The following ITGB1BP2 variants were observed in gnomAD, a reference collection of about 807,000 sequenced individuals.
ITGB1BP2 encodes the protein integrin subunit beta 1 binding protein 2.
ITGB1BP2 carries 27 observed loss-of-function variants against 32.2 expected under a neutral mutation model. The observed-to-expected ratio is 0.84, with a 90% CI of 0.62 to 1.16. The LOEUF (loss-of-function observed/expected upper bound fraction) is 1.16, where lower values mean the gene tolerates loss of function less well. Ranked by LOEUF, ITGB1BP2 falls within the 50% of genes most tolerant of loss-of-function variation. ITGB1BP2 has a pLI of 0.00. For synonymous variants in ITGB1BP2, 105 were observed against 94.7 expected (o/e 1.11, Z -0.63); for missense variants, 250 against 267.3 (o/e 0.94, Z 0.45).
At position 71,304,280 on chromosome X, in the gene ITGB1BP2, G is replaced by A; in HGVS notation, c.733G>A (p.Val245Met). 8.4e-7 allele frequency: 1 copy of A among 1,192,400 alleles called. No homozygotes were observed. The highest frequency in any genetic ancestry group is 1.1e-6 in the Non-Finnish European group (1 of 877,883). Residue 245 changes from valine (V) to methionine (M), a missense_variant, in exon 9 of 11, where the codon GTG becomes ATG. Physicochemically the swap from Val to Met is conservative, Grantham distance 21. Transcript: ENST00000373829. ...GATTCCACTTCCTGCGTTTAACTGG[G>A]TGAAGGCCAGTCAAACTGAGGTGAG... is the stretch of plus-strand genomic sequence containing the variant. ...GQIPLPAFNW[V>M]KASQTELHVH... is the part of the protein sequence containing the mutation.
chrX:71,302,567 G>T lies in ITGB1BP2; in HGVS notation c.317+11G>T, dbSNP rs116057938. 782 of 1,192,016 alleles carry T rather than the reference G, an allele frequency of 6.6e-4. No homozygotes were observed. In the African/African-American group the frequency reaches 0.012, roughly 19 times the overall value. On this transcript the variant is annotated intron_variant, in intron 4 of 10. Coordinates refer to ENST00000373829, the MANE Select transcript of ITGB1BP2 (RefSeq NM_012278.4). ...CCGGGAGAGGCCCAAGTAAAGAGGAGGAGGCCCCTGGACTTTTCTTATTTT... is the reference window on the plus strand; with the variant it reads ...CCGGGAGAGGCCCAAGTAAAGAGGATGAGGCCCCTGGACTTTTCTTATTTT...
intron 8 of ITGB1BP2, 102 bp downstream of exon 8, chrX:71,304,013 T>C: frequency 1.3e-6 from 1 of 760,999 alleles, no homozygotes; most frequent in Non-Finnish European, 1.9e-6. Context: ...CTTCTCCCTT[T>C]AGTATAGACC....
chrX:71,303,581 G>T, intron 6 of ITGB1BP2, 46 bp from the exon 7 acceptor site: 3 of 1,203,465 alleles, frequency 2.5e-6, no homozygotes, highest in Non-Finnish European at 3.4e-6. Context: ...GATAGGCTGA[G>T]TAGGATATAC....
chrX:71,304,318 G>A lies in ITGB1BP2; in HGVS notation c.753+18G>A, dbSNP rs1268728268. On this transcript the variant is annotated intron_variant, in intron 9 of 10. Transcript: ENST00000373829. ...AAACTGAGGTGAGCAATGATCTGAT[G>A]TTGGATGGGAGGATAGTCAATTGGG... is the stretch of plus-strand genomic sequence containing the variant. The A allele has an allele frequency of 2.7e-6, 3 of 1,106,803 alleles. No individual in the cohort carries two copies. The highest frequency in any genetic ancestry group is 1.8e-5 in the South Asian group (1 of 54,140). 91.2% of individuals were successfully genotyped at this position (1,106,803 alleles called of 1,213,427 possible). A position where few individuals can be genotyped will look rare whatever the true frequency, so the allele number is the denominator to read the frequency against.
chrX:71,303,775 G>T (rs762719982), intron 7 of ITGB1BP2, 37 bp from the exon 8 acceptor site: 2 of 1,177,959 alleles, frequency 1.7e-6, no homozygotes, highest in Non-Finnish European at 2.3e-6. Flanking sequence ...TAATATTGGG[G>T]GTGAGAGAAT....
Position 71,303,727 on chromosome X carries a change from G to T in ITGB1BP2, c.539+30G>T, listed in dbSNP as rs772765207. ...GGGAGGGGACTGGGTGGGCTATGAGGCTATGAGACAGGTTTCTCCTAATAT... is the reference window on the plus strand; with the variant it reads ...GGGAGGGGACTGGGTGGGCTATGAGTCTATGAGACAGGTTTCTCCTAATAT... On this transcript the variant is annotated intron_variant, in intron 7 of 10. Transcript: ENST00000373829. 2.5e-6 allele frequency: 3 copies of T among 1,190,579 alleles called. No homozygotes were observed. In the African/African-American group the frequency reaches 5.3e-5, roughly 21 times the overall value.
Position 71,303,325 on chromosome X carries a change from A to G in ITGB1BP2, c.381A>G (p.Glu127=), listed in dbSNP as rs868370257. 2 of 1,211,895 alleles carry G rather than the reference A, an allele frequency of 1.7e-6. No homozygotes were observed. Among genetic ancestry groups the G allele is most frequent in the Non-Finnish European group, 2.2e-6 (2 of 895,510 alleles). The part of the protein sequence containing the change: ...NISQALEMAL[E]QKELDQEPGA... Reference sequence around the variant, plus strand: ...CCCAAGCCCTGGAAATGGCATTGGAACAGAAGGAATTAGACCAGGAACCTG... The same window carrying G: ...CCCAAGCCCTGGAAATGGCATTGGAGCAGAAGGAATTAGACCAGGAACCTG... The change falls in exon 5 of 11, where the codon GAA becomes GAG. Residue 127 remains glutamate, a synonymous_variant. Transcript: ENST00000373829.
Position 71,304,596 on chromosome X carries a change from C to T in ITGB1BP2, c.808C>T (p.Leu270Phe). The T allele has an allele frequency of 8.3e-7, 1 of 1,204,789 alleles. No individual in the cohort carries two copies. The highest frequency in any genetic ancestry group is 1.8e-5 in the South Asian group (1 of 56,245). ...GNRVFQAQMKLWGVINVEQSS... is the reference protein window; with the variant it reads ...GNRVFQAQMKFWGVINVEQSS... ...CCGTGTGTTCCAAGCACAGATGAAG[C>T]TCTGGGGGGTAAGTGAAGACCAGGG... The change falls in exon 10 of 11, where the codon CTC becomes TTC. Residue 270 changes from leucine (L) to phenylalanine (F), a missense_variant. By Grantham distance (22) the Leu-to-Phe change is conservative. Coordinates refer to ENST00000373829, the MANE Select transcript of ITGB1BP2 (RefSeq NM_012278.4).
intron 10 of ITGB1BP2, 142 bp downstream of exon 10, chrX:71,304,746 C>G (rs1469491193): frequency 1.9e-6 from 1 of 519,668 alleles, no homozygotes; most frequent in African/African-American, 2.4e-5. Context: ...TTCTCTCTCT[C>G]TCCTACTCTT....
chrX:71,302,014 C>CTTTTTT, intron 1 of ITGB1BP2, 123 bp from the exon 2 acceptor site: 4 of 729,816 alleles, frequency 5.5e-6, no homozygotes, highest in Non-Finnish European at 5.7e-6. Context: ...CCTTTGCTGG[C>CTTTTTT]TTTTTTTTTT....
rs587777210 is a variant in ITGB1BP2 at position 71,305,086 on chromosome X, C to G, written c.938C>G (p.Ala313Gly). 5.0e-5 allele frequency: 61 copies of G among 1,209,399 alleles called. No homozygotes were observed. Among genetic ancestry groups the G allele is most frequent in the Non-Finnish European group, 6.5e-5 (58 of 894,963 alleles). The change falls in exon 11 of 11, where the codon GCT becomes GGT. Residue 313 changes from alanine (A) to glycine (G), a missense_variant. By Grantham distance (60) the Ala-to-Gly change is moderately conservative (BLOSUM62 0). Coordinates refer to ENST00000373829, the MANE Select transcript of ITGB1BP2 (RefSeq NM_012278.4). ...LEHPDALAKK[A>G]RAGVVLEMDE... ...CACCCTGATGCACTAGCTAAGAAGG[C>G]TAGGGCAGGGGTTGTGTTAGAGATG... is the stretch of plus-strand genomic sequence containing the variant.
intron 1 of ITGB1BP2, 69 bp from the exon 2 acceptor site, chrX:71,302,068 G>A: frequency 9.1e-7 from 1 of 1,097,811 alleles, no homozygotes. Flanking sequence ...GAAACCCGGG[G>A]AAGAGGTGAA....
intron 9 of ITGB1BP2, 51 bp from the exon 10 acceptor site, chrX:71,304,491 C>A: frequency 8.9e-7 from 1 of 1,122,804 alleles, no homozygotes; most frequent in Non-Finnish European, 1.2e-6. Flanking sequence ...TCGTAATGAC[C>A]TATTCTGACC....
At chrX:71,303,549 G>A in intron 6 of ITGB1BP2, 33 bp downstream of exon 6, 3 of 1,208,685 alleles carry the variant, frequency 2.5e-6, no homozygotes, top group Non-Finnish European at 3.4e-6. Flanking sequence ...TCAAGCATAT[G>A]GCTGAGGGAT....
chrX:71,303,216 A>G (rs769968683), intron 4 of ITGB1BP2, 46 bp from the exon 5 acceptor site: 2 of 1,060,711 alleles, frequency 1.9e-6, no homozygotes, highest in South Asian at 2.0e-5. Context: ...GGAGCTAGCA[A>G]TCATAGCTAA....
At position 71,301,868 on chromosome X, in the gene ITGB1BP2, C is replaced by T. The variant is rs2031615567; in HGVS notation, c.62C>T (p.Pro21Leu). 3.3e-6 allele frequency: 4 copies of T among 1,202,893 alleles called. No homozygotes were observed. The East Asian group carries it at 1.2e-4, about 36-fold the overall frequency. Residue 21 changes from proline to leucine, a missense_variant and splice_region_variant, in exon 1 of 11, where the codon CCT becomes CTT. Transcript: ENST00000373829. Reference protein sequence around the residue: ...GQHFDPNTNLPDSCCHHPGVP... With the variant: ...GQHFDPNTNLLDSCCHHPGVP... Reference sequence around the variant, plus strand: ...CACTTTGACCCTAATACCAACCTTCCTGGTGAGTAAAGAATCCTGACCTGG... The same window carrying T: ...CACTTTGACCCTAATACCAACCTTCTTGGTGAGTAAAGAATCCTGACCTGG...
chrX:71,301,954 G>A (rs747956938), intron 1 of ITGB1BP2, 84 bp downstream of exon 1: 32 of 949,807 alleles, frequency 3.4e-5, no homozygotes, highest in Admixed American at 2.0e-4. Flanking sequence ...TTTGAGGAGC[G>A]GGGAAAGAAA....
At position 71,302,189 on chromosome X, in the gene ITGB1BP2, G is replaced by A; in HGVS notation, c.114+3G>A. On this transcript the variant is annotated splice_donor_region_variant and intron_variant, in intron 2 of 10. Coordinates refer to ENST00000373829, the MANE Select transcript of ITGB1BP2 (RefSeq NM_012278.4). ...CAATCTTCCATGATGCACTTAAGGT[G>A]AGGAGTAGGTGAGGGGGGTTAGCAA... 1 of 1,211,064 alleles carries A rather than the reference G, an allele frequency of 8.3e-7. No homozygotes were observed. The highest frequency in any genetic ancestry group is 1.7e-5 in the African/African-American group (1 of 57,626).
chrX:71,303,226 A>C (rs373288217), intron 4 of ITGB1BP2, 36 bp from the exon 5 acceptor site: 17 of 1,111,272 alleles, frequency 1.5e-5, no homozygotes, highest in Non-Finnish European at 2.1e-5. Flanking sequence ...ATCATAGCTA[A>C]TGGGTCAGAA....
Sources: allele counts gnomAD v4.1 joint callset, GRCh38; gene constraint gnomAD v4.1.1; transcripts MANE v1.5; gene names NCBI Gene and HGNC (gene_info 2026-07-23, HGNC 2026-07-21).